AKAP7: variants seen among roughly 807,000 people sequenced by gnomAD.
The protein encoded by AKAP7 is A-kinase anchoring protein 7, also known as A kinase (PRKA) anchor protein 7.
A neutral mutation model predicts 39.5 loss-of-function variants in AKAP7; 39 were observed. The observed-to-expected ratio is 0.99, with a 90% CI of 0.76 to 1.29. AKAP7 has a LOEUF of 1.29. Among genes scored for constraint, AKAP7 ranks in the 50% most tolerant of loss-of-function variants. The pLI is 0.00. For missense variants in AKAP7, 414 were observed against 407.7 expected (o/e 1.02, Z -0.13); for synonymous variants, 140 against 139.1 (o/e 1.01, Z -0.05).
chr6:131,182,663 G>T (rs1177917631), intron 5 of AKAP7, among the ~76,000 whole-genome samples: 1 of 152,214 alleles, frequency 6.6e-6, no homozygotes, highest in African/African-American at 2.4e-5. Context: ...TATGTAACCA[G>T]AAGTGGAATT....
At chr6:131,218,301 ATTTGGCACATCTGTATATTAT>A (rs1809379010) in intron 6 of AKAP7, among the ~76,000 whole-genome samples, 3 of 152,194 alleles carry the variant, frequency 2.0e-5, no homozygotes, top group Admixed American at 6.5e-5. Flanking sequence ...GGAGAAAAAT[ATTTGGCACATCTGTATATTAT>A]TTTGGCACAT....
intron 7 of AKAP7, among the ~76,000 whole-genome samples, chr6:131,232,658 A>G (rs1035831478): frequency 3.0e-4 from 45 of 152,046 alleles, no homozygotes; most frequent in Non-Finnish European, 4.4e-5. Context: ...AAATACGAAA[A>G]GAATTAGCCA....
intron 7 of AKAP7, among the ~76,000 whole-genome samples, chr6:131,238,430 T>A (rs1811265721): frequency 6.6e-6 from 1 of 152,202 alleles, no homozygotes; most frequent in Non-Finnish European, 1.5e-5. Context: ...GTCTGCTTGG[T>A]GCAGAGCTGA....
chr6:131,264,809 C>T (rs1269142425), intron 7 of AKAP7, among the ~76,000 whole-genome samples: 3 of 152,144 alleles, frequency 2.0e-5, no homozygotes, highest in Non-Finnish European at 2.9e-5. Flanking sequence ...AGCTTGTACT[C>T]ATGGCAGAAG....
intron 5 of AKAP7, among the ~76,000 whole-genome samples, chr6:131,191,250 G>T (rs758556406): frequency 3.9e-5 from 6 of 152,166 alleles, no homozygotes; most frequent in African/African-American, 9.7e-5. Flanking sequence ...TGACAGTTTT[G>T]TATGATTCAG....
At chr6:131,245,379 G>A (rs553301850) in intron 7 of AKAP7, among the ~76,000 whole-genome samples, 3 of 151,244 alleles carry the variant, frequency 2.0e-5, no homozygotes, top group Non-Finnish European at 4.4e-5. Flanking sequence ...CGAGTAGCTG[G>A]GATTACAGGC....
At position 131,219,645 on chromosome 6, in the gene AKAP7, G is replaced by T. The variant is rs769252465; in HGVS notation, c.703-16G>T. On this transcript the variant is annotated splice_polypyrimidine_tract_variant and intron_variant, in intron 6 of 7. Coordinates refer to ENST00000431975, the MANE Select transcript of AKAP7 (RefSeq NM_016377.4). ...GGTGAAATGATTGATTGATTGATTT[G>T]TTTTTTCATTTCAAGGGAGTGAAAA... 6 of 1,581,902 alleles carry T rather than the reference G, an allele frequency of 3.8e-6. No individual in the cohort carries two copies. In the African/African-American group the frequency reaches 8.2e-5, roughly 22 times the overall value.
intron 7 of AKAP7, among the ~76,000 whole-genome samples, chr6:131,278,708 AGAACTCACTC>A (rs1176544427): frequency 6.6e-6 from 1 of 152,198 alleles, no homozygotes; most frequent in African/African-American, 2.4e-5. Flanking sequence ...AGATCTCATG[AGAACTCACTC>A]ACTATCATGA....
chr6:131,239,816 T>C (rs1315956321), intron 7 of AKAP7, among the ~76,000 whole-genome samples: 2 of 152,220 alleles, frequency 1.3e-5, no homozygotes, highest in African/African-American at 2.4e-5. Flanking sequence ...GTCTAATCTT[T>C]TTTCAAGGTT....
intron 5 of AKAP7, among the ~76,000 whole-genome samples, chr6:131,181,048 G>GC (rs142075787): frequency 0.44 from 66,218 of 151,548 alleles, 15,726 homozygotes; most frequent in East Asian, 0.72. Flanking sequence ...CAATTCTCCT[G>GC]CCTCAGCCTC....
intron 7 of AKAP7, among the ~76,000 whole-genome samples, chr6:131,251,186 A>C (rs1812419186): frequency 6.6e-6 from 1 of 152,214 alleles, no homozygotes; most frequent in African/African-American, 2.4e-5. Flanking sequence ...ACCTGCCTAA[A>C]TGAATGTTGA....
At chr6:131,263,184 T>C (rs1338712967) in intron 7 of AKAP7, among the ~76,000 whole-genome samples, 2 of 152,218 alleles carry the variant, frequency 1.3e-5, no homozygotes, top group Non-Finnish European at 2.9e-5. Flanking sequence ...GGCTCACCTA[T>C]GCAAACAACA....
intron 7 of AKAP7, among the ~76,000 whole-genome samples, chr6:131,273,309 A>T (rs958437037): frequency 6.6e-6 from 1 of 152,038 alleles, no homozygotes; most frequent in Non-Finnish European, 1.5e-5. Context: ...TGTCTAGGCC[A>T]TCTTATGTTT....
intron 4 of AKAP7, among the ~76,000 whole-genome samples, chr6:131,165,857 C>T (rs1250899413): frequency 6.6e-6 from 1 of 152,140 alleles, no homozygotes; most frequent in Non-Finnish European, 1.5e-5. Context: ...CATTCTTATC[C>T]GTACTTAGAT....
At chr6:131,249,817 G>T (rs767807271) in intron 7 of AKAP7, among the ~76,000 whole-genome samples, 3 of 152,010 alleles carry the variant, frequency 2.0e-5, no homozygotes, top group Non-Finnish European at 4.4e-5. Flanking sequence ...AATTTTCTAG[G>T]CTGTTGACAT....
intron 3 of AKAP7, 31 bp from the exon 4 acceptor site, chr6:131,165,050 A>AT (rs1562875766): frequency 1.5e-5 from 23 of 1,501,958 alleles, no homozygotes; most frequent in Admixed American, 7.1e-5. Context: ...AATCACTGGA[A>AT]TTTTTTTTAT....
In AKAP7 at chr6:131,175,941, T is replaced by C. The variant is rs78844914; in HGVS notation, c.589+6668T>C. On this transcript the variant is annotated intron_variant, in intron 5 of 7. Transcript: ENST00000431975. ...AAAAATACACAGGTTTACATGTTTA[T>C]TTGGGTCATTATTTTCTTATAAAAG... 1.8e-3 allele frequency among the ~76,000 whole-genome samples: 280 copies of C among 152,336 alleles called. 1 individual carries two copies. The highest frequency in any genetic ancestry group is 4.9e-3 in the African/African-American group (203 of 41,576).
upstream of AKAP7, among the ~76,000 whole-genome samples, chr6:131,133,420 T>A (rs1482990742): frequency 6.6e-6 from 1 of 152,252 alleles, no homozygotes; most frequent in Non-Finnish European, 1.5e-5. Context: ...CACAAGAAGA[T>A]GTCCAAGGTT....
intron 6 of AKAP7, among the ~76,000 whole-genome samples, chr6:131,205,826 T>C (rs1032507053): frequency 1.3e-5 from 2 of 152,150 alleles, no homozygotes; most frequent in African/African-American, 4.8e-5. Flanking sequence ...TATTCTGTAA[T>C]TTTTTTCATC....
Sources: allele counts gnomAD v4.1 joint callset (sites outside exome capture counted in the v4.1 genomes callset), GRCh38; gene constraint gnomAD v4.1.1; transcripts MANE v1.5; gene names NCBI Gene and HGNC (gene_info 2026-07-23, HGNC 2026-07-21).